The following MARCHF6 variants were observed in gnomAD, a reference collection of about 807,000 sequenced individuals.
The protein encoded by MARCHF6 is membrane associated ring-CH-type finger 6.
A neutral mutation model predicts 133.7 loss-of-function variants in MARCHF6; 31 were observed. That is an observed-to-expected ratio of 0.23 (90% CI 0.17 to 0.31). MARCHF6 has a LOEUF of 0.31. Among genes scored for constraint, MARCHF6 ranks in the 10% least tolerant of loss-of-function variants. The probability of loss-of-function intolerance (pLI) is 1.00; values close to 1 mark genes in which losing one functional copy is unlikely to be tolerated. For missense variants in MARCHF6, 723 were observed against 1,121.6 expected, an observed-to-expected ratio of 0.64 and a Z score of 5.08; for synonymous variants, 395 against 402.5, an observed-to-expected ratio of 0.98 and a Z score of 0.22.
At chr5:10,418,221 A>G (rs1739627042) in intron 22 of MARCHF6, among the ~76,000 whole-genome samples, 1 of 152,068 alleles carries the variant, frequency 6.6e-6, no homozygotes, top group South Asian at 2.1e-4. Context: ...TCTACCCAAA[A>G]TACAAAAAAT....
intron 15 of MARCHF6, among the ~76,000 whole-genome samples, chr5:10,403,989 G>C (rs752869492): frequency 3.3e-5 from 5 of 152,050 alleles, no homozygotes; most frequent in African/African-American, 4.8e-5. Flanking sequence ...GAATTACAAT[G>C]AGGGTCCTTT....
chr5:10,398,660 T>G (rs1738335284), intron 10 of MARCHF6, among the ~76,000 whole-genome samples: 1 of 152,162 alleles, frequency 6.6e-6, no homozygotes, highest in Admixed American at 6.6e-5. Flanking sequence ...AATGCTAAAT[T>G]AATGTTTGGA....
intron 1 of MARCHF6, among the ~76,000 whole-genome samples, chr5:10,368,612 G>T (rs143571388): frequency 6.6e-6 from 1 of 152,098 alleles, no homozygotes; most frequent in Admixed American, 6.5e-5. Context: ...GTCTTGCTCC[G>T]TTGGTTGCCC....
chr5:10,386,272 G>A (rs1397364094), intron 4 of MARCHF6, among the ~76,000 whole-genome samples: 1 of 152,144 alleles, frequency 6.6e-6, no homozygotes, highest in African/African-American at 2.4e-5. Flanking sequence ...TCCGATACAA[G>A]GCTATATAGG....
At chr5:10,395,406 T>A (rs1212374322) in intron 9 of MARCHF6, among the ~76,000 whole-genome samples, 1 of 152,170 alleles carries the variant, frequency 6.6e-6, no homozygotes, top group Non-Finnish European at 1.5e-5. Context: ...GCAAAGCAGT[T>A]TTCCCTATTT....
At chr5:10,406,973 G>T in intron 16 of MARCHF6, 129 bp from the exon 17 acceptor site, 1 of 502,394 alleles carries the variant, frequency 2.0e-6, no homozygotes. Context: ...GTGTAGAGTG[G>T]GAACCGCTTG....
At chr5:10,361,656 CG>C (rs913041334) in intron 1 of MARCHF6, among the ~76,000 whole-genome samples, 8 of 152,046 alleles carry the variant, frequency 5.3e-5, no homozygotes, top group Non-Finnish European at 1.2e-4. Flanking sequence ...ACGTGAATTA[CG>C]GGGGGAGGGG....
intron 21 of MARCHF6, among the ~76,000 whole-genome samples, chr5:10,416,307 ACT>A (rs1282397112): frequency 6.6e-6 from 1 of 151,970 alleles, no homozygotes; most frequent in Non-Finnish European, 1.5e-5. Context: ...TGTATAATCA[ACT>A]CTTAATTTTT....
intron 5 of MARCHF6, among the ~76,000 whole-genome samples, chr5:10,389,006 C>G (rs1737646258): frequency 6.6e-6 from 1 of 152,132 alleles, no homozygotes; most frequent in African/African-American, 2.4e-5. Context: ...TCTTTTGATT[C>G]AGGACATATT....
At chr5:10,422,277 C>T (rs1275118181) in intron 22 of MARCHF6, among the ~76,000 whole-genome samples, 2 of 152,030 alleles carry the variant, frequency 1.3e-5, no homozygotes, top group African/African-American at 2.4e-5. Flanking sequence ...GGAGACTTAG[C>T]GTACTGATAA....
At chr5:10,423,219 A>AGC (rs1739915983) in intron 22 of MARCHF6, among the ~76,000 whole-genome samples, 1 of 151,856 alleles carries the variant, frequency 6.6e-6, no homozygotes, top group African/African-American at 2.4e-5. Flanking sequence ...TCTGGTGGAG[A>AGC]GCTGGAGGGT....
rs1737517969 is a variant in MARCHF6 at position 10,386,986 on chromosome 5, T to G, written c.335-8T>G. Reference sequence around the variant, plus strand: ...GTGACTGTGTGCCATCATGCTCTTTTTCGGTAGGCCGCATCTACAAGTGCT... The same window carrying G: ...GTGACTGTGTGCCATCATGCTCTTTGTCGGTAGGCCGCATCTACAAGTGCT... On this transcript the variant is annotated splice_polypyrimidine_tract_variant and splice_region_variant and intron_variant, in intron 4 of 25. Coordinates refer to ENST00000274140, the MANE Select transcript of MARCHF6 (RefSeq NM_005885.4). 1 of 1,612,334 alleles carries G rather than the reference T, an allele frequency of 6.2e-7. No homozygotes were observed.
In MARCHF6 at chr5:10,411,357, A is replaced by C. The variant is rs945071948; in HGVS notation, c.1716A>C (p.Gly572=). ...GGGATCTTCATTCTTATTTATTGGG[A>C]GACCAGGAAGAAAATGAAAACAGTG... The part of the protein sequence containing the change: ...YLLDLHSYLL[G]DQEENENSAN... Residue 572 remains glycine, a synonymous_variant, in exon 19 of 26, where the codon GGA becomes GGC. Transcript: ENST00000274140. The C allele has an allele frequency of 1.2e-6, 2 of 1,614,184 alleles. No individual in the cohort carries two copies. The highest frequency in any genetic ancestry group is 1.3e-5 in the African/African-American group (1 of 75,048).
intron 22 of MARCHF6, among the ~76,000 whole-genome samples, chr5:10,421,328 T>C (rs898744640): frequency 4.6e-5 from 7 of 152,138 alleles, no homozygotes; most frequent in Admixed American, 4.6e-4. Flanking sequence ...AATGCAGCAA[T>C]TGAAAAAATG....
Position 10,382,810 on chromosome 5 carries a change from G to A in MARCHF6, c.334+867G>A, listed in dbSNP as rs568479394. Among the ~76,000 whole-genome samples the A allele has an allele frequency of 9.2e-5, 14 of 152,302 alleles. No individual in the cohort carries two copies. In the South Asian group the frequency reaches 1.2e-3, roughly 14 times the overall value. On this transcript the variant is annotated intron_variant, in intron 4 of 25. Coordinates refer to ENST00000274140, the MANE Select transcript of MARCHF6 (RefSeq NM_005885.4). ...CCACTGCATTCCAGCCTGGGCAACG[G>A]AGTGAGACTTTGCCTCAATAAAATA...
Position 10,391,670 on chromosome 5 carries a change from C to T in MARCHF6, c.705C>T (p.Asp235=), listed in dbSNP as rs1472198197. ...ACCAGGCAGAAGAGGAGGAGGAGGA[C>T]AATGAGGAGGAAGATGACGCTGGTG... ...QDDQAEEEEE[D]NEEEDDAGVE... The change falls in exon 7 of 26, where the codon GAC becomes GAT. Residue 235 remains aspartate, a synonymous_variant. Transcript: ENST00000274140. The T allele has an allele frequency of 6.2e-7, 1 of 1,607,434 alleles. No homozygotes were observed. Among genetic ancestry groups the T allele is most frequent in the Non-Finnish European group, 8.5e-7 (1 of 1,177,090 alleles).
At chr5:10,408,663 C>T (rs760549433) in intron 17 of MARCHF6, among the ~76,000 whole-genome samples, 5 of 152,152 alleles carry the variant, frequency 3.3e-5, no homozygotes, top group Non-Finnish European at 7.3e-5. Context: ...TTCAGCGTCC[C>T]GGGTAGCTGA....
intron 4 of MARCHF6, among the ~76,000 whole-genome samples, chr5:10,384,399 C>G (rs1737344107): frequency 6.6e-6 from 1 of 151,844 alleles, no homozygotes; most frequent in Admixed American, 6.6e-5. Flanking sequence ...GGACTTGTAT[C>G]TAGAGTATAT....
intron 10 of MARCHF6, among the ~76,000 whole-genome samples, chr5:10,399,973 C>G (rs1447971819): frequency 6.6e-6 from 1 of 152,102 alleles, no homozygotes; most frequent in Non-Finnish European, 1.5e-5. Context: ...AACTGGAAGT[C>G]AGATCTAAGG....
Sources: allele counts gnomAD v4.1 joint callset (sites outside exome capture counted in the v4.1 genomes callset), GRCh38; gene constraint gnomAD v4.1.1; transcripts MANE v1.5; gene names NCBI Gene and HGNC (gene_info 2026-07-23, HGNC 2026-07-21).